The following GOLM1 variants were observed in gnomAD, a reference collection of about 807,000 sequenced individuals.
The protein encoded by GOLM1 is epididymis luminal protein 46.
In GOLM1, 31 loss-of-function variants were observed where a neutral mutation model predicts 50.5. The ratio of observed to expected loss-of-function variants is 0.61; its 90% CI spans 0.46 to 0.83. The LOEUF (loss-of-function observed/expected upper bound fraction) is 0.83. Among genes scored for constraint, GOLM1 ranks in the 40% least tolerant of loss-of-function variants. The probability of loss-of-function intolerance (pLI) is 0.00; values close to 1 mark genes in which losing one functional copy is unlikely to be tolerated. For synonymous variants in GOLM1, 178 were observed against 192.8 expected (o/e 0.92, Z 0.64); for missense variants, 491 against 501.3 (o/e 0.98, Z 0.20).
At chr9:86,052,686 C>G in intron 3 of GOLM1, 95 bp from the exon 4 acceptor site, 1 of 1,011,140 alleles carries the variant, frequency 9.9e-7, no homozygotes, top group Non-Finnish European at 1.6e-6. Flanking sequence ...CTGTCCCCAA[C>G]CCAGCGCTGC....
intron 1 of GOLM1, among the ~76,000 whole-genome samples, chr9:86,087,373 C>T (rs12235642): frequency 0.036 from 5,414 of 152,274 alleles, 293 homozygotes; most frequent in East Asian, 0.27. Flanking sequence ...TCTAAATATA[C>T]AATCATGTTG....
At chr9:86,087,031 ATTAC>A (rs887223200) in intron 1 of GOLM1, among the ~76,000 whole-genome samples, 4 of 152,100 alleles carry the variant, frequency 2.6e-5, no homozygotes, top group African/African-American at 9.7e-5. Flanking sequence ...GAATCTATAA[ATTAC>A]TTTGGGCAGT....
chr9:86,053,557 A>T (rs115682002), intron 3 of GOLM1, among the ~76,000 whole-genome samples: 114 of 430 alleles, frequency 0.27, no homozygotes, highest in African/African-American at 0.34. Flanking sequence ...AACACACACT[A>T]CACACACACA....
intron 2 of GOLM1, chr9:86,077,876 A>C: frequency 2.5e-6 from 1 of 398,624 alleles, no homozygotes; most frequent in East Asian, 3.7e-5. Context: ...AGAATGCCTC[A>C]TGCTTTACCT....
chr9:86,027,739 TTTCAGTA>T lies in GOLM1; in HGVS notation c.*71_*77del, dbSNP rs1832830110. 9 of 1,541,636 alleles carry T rather than the reference TTTCAGTA, an allele frequency of 5.8e-6. No individual in the cohort carries two copies. The highest frequency in any genetic ancestry group is 2.5e-5 in the South Asian group (2 of 79,926). On this transcript the variant is annotated 3_prime_UTR_variant, in exon 10 of 10. Transcript: ENST00000388712. Reference sequence around the variant, plus strand: ...CATTTTATTTAGTACATTTCACAGTTTTCAGTATTCAGTCCCTCATGAACATTTTATA... The same window carrying T: ...CATTTTATTTAGTACATTTCACAGTTTTCAGTCCCTCATGAACATTTTATA...
chr9:86,034,471 G>T (rs1054433821), intron 8 of GOLM1, among the ~76,000 whole-genome samples: 1 of 152,170 alleles, frequency 6.6e-6, no homozygotes, highest in African/African-American at 2.4e-5. Flanking sequence ...ACCAGCCGCT[G>T]AGGGGTCTGA....
At chr9:86,033,576 C>T (rs1403381635) in intron 8 of GOLM1, among the ~76,000 whole-genome samples, 181 bp from the exon 9 acceptor site, 1 of 152,186 alleles carries the variant, frequency 6.6e-6, no homozygotes, top group East Asian at 1.9e-4. Context: ...ATTATGTGTA[C>T]TCCACTTGGA....
At chr9:86,042,244 G>T (rs1238025100) in intron 5 of GOLM1, among the ~76,000 whole-genome samples, 1 of 152,190 alleles carries the variant, frequency 6.6e-6, no homozygotes, top group Non-Finnish European at 1.5e-5. Context: ...GTAATTAAGA[G>T]AATTACCCAC....
At chr9:86,043,613 G>A (rs779313517) in intron 5 of GOLM1, among the ~76,000 whole-genome samples, 7 of 152,188 alleles carry the variant, frequency 4.6e-5, no homozygotes, top group South Asian at 2.1e-4. Flanking sequence ...AACACTCCAC[G>A]AACATTATCC....
chr9:86,074,497 C>A (rs970922344), intron 3 of GOLM1, among the ~76,000 whole-genome samples: 2 of 152,200 alleles, frequency 1.3e-5, no homozygotes, highest in Admixed American at 1.3e-4. Context: ...CCTCTATCCC[C>A]CTTCCCCTCC....
At chr9:86,081,513 A>T (rs1587735104) in intron 1 of GOLM1, among the ~76,000 whole-genome samples, 1 of 152,264 alleles carries the variant, frequency 6.6e-6, no homozygotes, top group East Asian at 1.9e-4. Flanking sequence ...TTTTTAAAAT[A>T]TAAAAGTACA....
intron 3 of GOLM1, among the ~76,000 whole-genome samples, chr9:86,070,907 C>T (rs1834430119): frequency 6.6e-6 from 1 of 152,118 alleles, no homozygotes; most frequent in Admixed American, 6.5e-5. Flanking sequence ...TGAAATATAA[C>T]AGCAGGAACG....
At chr9:86,077,923 G>A (rs2183126) in intron 2 of GOLM1, 27,385 of 271,614 alleles carry the variant, frequency 0.1, 1,463 homozygotes, top group South Asian at 0.13. Flanking sequence ...GTTCTTCTTC[G>A]CTGCTAACAA....
chr9:86,041,677 C>T (rs116664357), intron 5 of GOLM1, among the ~76,000 whole-genome samples: 2,094 of 152,216 alleles, frequency 0.014, 46 homozygotes, highest in African/African-American at 0.046. Flanking sequence ...GAGGGGGTGG[C>T]GGGTAACCCT....
At chr9:86,088,414 A>T (rs1835047354) in intron 1 of GOLM1, among the ~76,000 whole-genome samples, 1 of 94,310 alleles carries the variant, frequency 1.1e-5, no homozygotes, top group Non-Finnish European at 2.1e-5. Flanking sequence ...TGTTTTTTTG[A>T]AGGGTGTATA....
rs899377708 is a variant in GOLM1, at chr9:86,027,102, C to T, written c.*715G>A. On this transcript the variant is annotated 3_prime_UTR_variant, in exon 10 of 10. Coordinates refer to ENST00000388712, the MANE Select transcript of GOLM1 (RefSeq NM_016548.4). ...TATATTTAGGGAAGATGTTGCTTTG[C>T]CCACACACGAAGCAAAGTAAATAAA... The T allele has an allele frequency of 2.7e-5, 27 of 984,706 alleles. No individual in the cohort carries two copies. The African/African-American group carries it at 4.2e-4, about 15-fold the overall frequency. The allele number at this position is 984,706 out of a possible 1,614,324, so 61.0% of individuals were successfully genotyped here. A position where few individuals can be genotyped will look rare whatever the true frequency, so the allele number is the denominator to read the frequency against.
chr9:86,085,456 T>G (rs79219786), intron 1 of GOLM1, among the ~76,000 whole-genome samples: 53 of 95,434 alleles, frequency 5.6e-4, no homozygotes, highest in African/African-American at 3.7e-3. Flanking sequence ...AGTTTTTGTT[T>G]TTTTTTTTTT....
intron 3 of GOLM1, among the ~76,000 whole-genome samples, chr9:86,071,804 G>T (rs1334837073): frequency 6.6e-6 from 1 of 152,172 alleles, no homozygotes. Flanking sequence ...CTCACTAAAA[G>T]GTCCCAAACT....
Position 86,026,643 on chromosome 9 carries a change from T to C in GOLM1, c.*1174A>G. Reference sequence around the variant, plus strand: ...GCCTTACTGGGAAGTCAGTCATTAATGATGTGGCCAGTTATTTGCAAGTGG... The same window carrying C: ...GCCTTACTGGGAAGTCAGTCATTAACGATGTGGCCAGTTATTTGCAAGTGG... On this transcript the variant is annotated 3_prime_UTR_variant, in exon 10 of 10. Coordinates refer to ENST00000388712, the MANE Select transcript of GOLM1 (RefSeq NM_016548.4). 1.0e-6 allele frequency: 1 copy of C among 985,104 alleles called. No individual in the cohort carries two copies. The highest frequency in any genetic ancestry group is 1.2e-6 in the Non-Finnish European group (1 of 829,624). The allele number at this position is 985,104 out of a possible 1,614,324, so 61.0% of individuals were successfully genotyped here. A position where few individuals can be genotyped will look rare whatever the true frequency, so the allele number is the denominator to read the frequency against.
Sources: gnomAD v4.1 joint callset for allele counts (sites outside exome capture counted in the v4.1 genomes callset) on GRCh38, gnomAD v4.1.1 for gene constraint, MANE v1.5 for transcripts, NCBI Gene and HGNC (gene_info 2026-07-23, HGNC 2026-07-21) for gene names.